The following HECW2 variants were observed in gnomAD, a reference collection of about 807,000 sequenced individuals.
The protein encoded by HECW2 is E3 ubiquitin-protein ligase HECW2.
A neutral mutation model predicts 175.2 loss-of-function variants in HECW2; 61 were observed. That is an observed-to-expected ratio of 0.35 (90% CI 0.28 to 0.43). HECW2 has a LOEUF of 0.43. Ranked by LOEUF, HECW2 falls within the 20% of genes least tolerant of loss-of-function variation. The pLI, the probability that HECW2 is intolerant of heterozygous loss-of-function variation, is 1.00. For missense variants in HECW2, 1,524 were observed against 2,000.5 expected, an observed-to-expected ratio of 0.76 and a Z score of 4.54; for synonymous variants, 671 against 731.0, an observed-to-expected ratio of 0.92 and a Z score of 1.32.
At chr2:196,279,139 C>T (rs1690091401) in intron 14 of HECW2, among the ~76,000 whole-genome samples, 1 of 152,140 alleles carries the variant, frequency 6.6e-6, no homozygotes, top group Admixed American at 6.5e-5. Flanking sequence ...AGCTCCACCT[C>T]CCAGGTTCAT....
intron 6 of HECW2, among the ~76,000 whole-genome samples, chr2:196,322,950 T>A (rs1307302637): frequency 6.6e-6 from 1 of 152,256 alleles, no homozygotes; most frequent in Non-Finnish European, 1.5e-5. Flanking sequence ...ATTTATTGTA[T>A]CTCAATTCTT....
At chr2:196,554,800 G>C (rs1322783683) in intron 1 of HECW2, among the ~76,000 whole-genome samples, 1 of 152,194 alleles carries the variant, frequency 6.6e-6, no homozygotes, top group Non-Finnish European at 1.5e-5. Flanking sequence ...GAAGAACGAA[G>C]AGCAGTAGGC....
Position 196,253,952 on chromosome 2 carries a change from C to A in HECW2, c.3497G>T (p.Gly1166Val). Reference protein sequence around the residue: ...LHPSYCQSPRGSPVSSPQNSP... With the variant: ...LHPSYCQSPRVSPVSSPQNSP... ...GTTCTGAGGAGATGACACGGGAGAG[C>A]CACGTGGGGACTGACAGTAGCTGGG... Residue 1166 changes from glycine to valine, a missense_variant, in exon 19 of 29, where the codon GGC (glycine) becomes GTC (valine). Gly to Val is a moderately radical substitution (Grantham distance 109, BLOSUM62 -3). Coordinates refer to ENST00000644978, the MANE Select transcript of HECW2 (RefSeq NM_001348768.2). 6.2e-7 allele frequency: 1 copy of A among 1,613,964 alleles called. No individual in the cohort carries two copies. The highest frequency in any genetic ancestry group is 8.5e-7 in the Non-Finnish European group (1 of 1,179,884).
chr2:196,522,334 T>C (rs185784134), intron 1 of HECW2, among the ~76,000 whole-genome samples: 1,934 of 152,308 alleles, frequency 0.013, 44 homozygotes, highest in African/African-American at 0.044. Context: ...GGGTTGTTTT[T>C]TTCTTGTAAA....
intron 21 of HECW2, among the ~76,000 whole-genome samples, chr2:196,229,376 T>C (rs754986579): frequency 1.3e-5 from 2 of 152,046 alleles, no homozygotes; most frequent in Non-Finnish European, 2.9e-5. Context: ...AAACAGATCC[T>C]AGGCAGGGCA....
chr2:196,563,938 G>C (rs1690093308), intron 1 of HECW2, among the ~76,000 whole-genome samples: 1 of 152,136 alleles, frequency 6.6e-6, no homozygotes, highest in African/African-American at 2.4e-5. Context: ...TATTATTGGG[G>C]AATAGGATAT....
chr2:196,213,462 T>C (rs1231986152), intron 28 of HECW2, among the ~76,000 whole-genome samples: 1 of 152,194 alleles, frequency 6.6e-6, no homozygotes, highest in African/African-American at 2.4e-5. Context: ...CTCCTGCGTG[T>C]TACCTGGGTT....
chr2:196,496,466 C>T (rs948400234), intron 1 of HECW2, among the ~76,000 whole-genome samples: 1 of 152,014 alleles, frequency 6.6e-6, no homozygotes, highest in Non-Finnish European at 1.5e-5. Flanking sequence ...AAGTAGTTCT[C>T]ATATGTTTAT....
intron 1 of HECW2, among the ~76,000 whole-genome samples, chr2:196,593,116 C>T (rs1289970409): frequency 6.6e-6 from 1 of 151,198 alleles, no homozygotes; most frequent in Non-Finnish European, 1.5e-5. Flanking sequence ...CGCCTTTGTG[C>T]TGGCATCTTC....
At chr2:196,337,250 T>C (rs1457621154) in intron 3 of HECW2, among the ~76,000 whole-genome samples, 1 of 152,010 alleles carries the variant, frequency 6.6e-6, no homozygotes, top group African/African-American at 2.4e-5. Context: ...AAAAGGGAAG[T>C]TGGTGCCCAG....
At chr2:196,315,143 T>A (rs1335503349) in intron 10 of HECW2, among the ~76,000 whole-genome samples, 1 of 94,006 alleles carries the variant, frequency 1.1e-5, no homozygotes, top group Non-Finnish European at 2.1e-5. Context: ...ACAGCACGAG[T>A]GTATGAGTGT....
intron 1 of HECW2, among the ~76,000 whole-genome samples, chr2:196,558,947 C>T (rs1689900647): frequency 6.6e-6 from 1 of 152,194 alleles, no homozygotes; most frequent in Non-Finnish European, 1.5e-5. Flanking sequence ...ATTCAATGGG[C>T]ACCTACTCTA....
chr2:196,582,612 G>C (rs145796894), intron 1 of HECW2, among the ~76,000 whole-genome samples: 34 of 152,202 alleles, frequency 2.2e-4, no homozygotes, highest in African/African-American at 7.2e-4. Context: ...TTTCTTGGTA[G>C]AGATCCATAA....
At chr2:196,402,638 A>AT (rs1251203147) in intron 2 of HECW2, among the ~76,000 whole-genome samples, 4 of 152,200 alleles carry the variant, frequency 2.6e-5, no homozygotes, top group African/African-American at 4.8e-5. Context: ...TTGTCACAGT[A>AT]TACCTTTAAC....
intron 2 of HECW2, among the ~76,000 whole-genome samples, chr2:196,386,262 G>C (rs1214067972): frequency 1.3e-5 from 2 of 152,174 alleles, no homozygotes; most frequent in African/African-American, 4.8e-5. Flanking sequence ...TGTATAGGAT[G>C]GTTATAAGTG....
intron 9 of HECW2, 98 bp downstream of exon 9, chr2:196,318,454 G>A (rs1312871488): frequency 2.3e-6 from 3 of 1,318,968 alleles, no homozygotes; most frequent in Non-Finnish European, 2.9e-6. Context: ...CAGGTCATAT[G>A]TAACCTGCAG....
chr2:196,385,316 C>T (rs1485078620), intron 2 of HECW2, among the ~76,000 whole-genome samples: 1 of 152,076 alleles, frequency 6.6e-6, no homozygotes, highest in Admixed American at 6.6e-5. Context: ...TTTATTTAAT[C>T]AGAATATAAA....
At chr2:196,391,143 C>G (rs974219253) in intron 2 of HECW2, among the ~76,000 whole-genome samples, 14 of 152,100 alleles carry the variant, frequency 9.2e-5, no homozygotes, top group African/African-American at 3.4e-4. Flanking sequence ...ATTTAAACTC[C>G]CAGTTCTAAA....
chr2:196,451,431 CAA>C (rs1383013336), intron 1 of HECW2, among the ~76,000 whole-genome samples: 7 of 65,902 alleles, frequency 1.1e-4, no homozygotes, highest in Admixed American at 1.7e-4. Context: ...GACTCCGTCT[CAA>C]AAAAAAAAAA....
Sources: gnomAD v4.1 joint callset for allele counts (sites outside exome capture counted in the v4.1 genomes callset) on GRCh38, gnomAD v4.1.1 for gene constraint, MANE v1.5 for transcripts, NCBI Gene and HGNC (gene_info 2026-07-23, HGNC 2026-07-21) for gene names.